BCHE: variants seen among roughly 807,000 people sequenced by gnomAD.
The protein encoded by BCHE is butyrylcholinesterase.
A neutral mutation model predicts 51.3 loss-of-function variants in BCHE; 48 were observed. That is an observed-to-expected ratio of 0.94 (90% confidence interval 0.74 to 1.19). The LOEUF (loss-of-function observed/expected upper bound fraction) is 1.19, where lower values mean the gene tolerates loss of function less well. Ranked by LOEUF, BCHE falls within the 50% of genes most tolerant of loss-of-function variation. The probability of loss-of-function intolerance (pLI) is 0.00; values close to 1 mark genes in which losing one functional copy is unlikely to be tolerated. For synonymous variants in BCHE, 251 were observed against 238.0 expected, an observed-to-expected ratio of 1.05 and a Z score of -0.50; for missense variants, 847 against 708.2, an observed-to-expected ratio of 1.20 and a Z score of -2.23.
intron 2 of BCHE, among the ~76,000 whole-genome samples, chr3:165,817,225 A>G (rs1397476271): frequency 6.6e-6 from 1 of 152,086 alleles, no homozygotes; most frequent in Non-Finnish European, 1.5e-5. Flanking sequence ...CCTTCAAAGT[A>G]TAACCTGATT....
intron 2 of BCHE, among the ~76,000 whole-genome samples, chr3:165,826,178 TACA>T (rs1038471189): frequency 2.0e-5 from 3 of 152,142 alleles, no homozygotes; most frequent in Admixed American, 2.0e-4. Flanking sequence ...AAACATCTTC[TACA>T]ACAAGACAAA....
chr3:165,784,725 G>C (rs1362572116), intron 3 of BCHE, among the ~76,000 whole-genome samples: 1 of 151,778 alleles, frequency 6.6e-6, no homozygotes, highest in Non-Finnish European at 1.5e-5. Flanking sequence ...AATTGCAATA[G>C]ATCACACATG....
intron 3 of BCHE, among the ~76,000 whole-genome samples, chr3:165,785,245 G>A (rs1280582766): frequency 2.0e-5 from 3 of 151,712 alleles, no homozygotes. Flanking sequence ...ATTACAGATC[G>A]TCATGATGAG....
rs1183800488 is a variant in BCHE, at chr3:165,773,469, T to C, written c.1722A>G (p.Gly574=). 6.2e-7 allele frequency: 1 copy of C among 1,608,582 alleles called. No homozygotes were observed. Among genetic ancestry groups the C allele is most frequent in the Non-Finnish European group, 8.5e-7 (1 of 1,175,448 alleles). ...IDEAEWEWKA[G]FHRWNNYMMD... Reference sequence around the variant, plus strand: ...TCATGTAATTGTTCCAGCGATGGAATCCTGCTTTCCACTCCCATTCTGCTT... The same window carrying C: ...TCATGTAATTGTTCCAGCGATGGAACCCTGCTTTCCACTCCCATTCTGCTT... Residue 574 remains glycine (G), a synonymous_variant, in exon 4 of 4, where the codon GGA becomes GGG. Transcript: ENST00000264381.
intron 2 of BCHE, among the ~76,000 whole-genome samples, chr3:165,820,604 T>C (rs1273643543): frequency 6.6e-6 from 1 of 152,066 alleles, no homozygotes; most frequent in East Asian, 1.9e-4. Flanking sequence ...TATGATAATA[T>C]ACCACAAATA....
intron 2 of BCHE, among the ~76,000 whole-genome samples, chr3:165,790,731 G>T (rs1291749133): frequency 6.6e-6 from 1 of 152,158 alleles, no homozygotes; most frequent in Non-Finnish European, 1.5e-5. Flanking sequence ...GACTTGAGGA[G>T]AGAAGGGATG....
At chr3:165,798,543 C>T (rs928010892) in intron 2 of BCHE, among the ~76,000 whole-genome samples, 3 of 152,012 alleles carry the variant, frequency 2.0e-5, no homozygotes, top group African/African-American at 7.2e-5. Context: ...TGAGATTGTC[C>T]AATATCACAC....
chr3:165,779,691 G>C (rs1051086053), intron 3 of BCHE, among the ~76,000 whole-genome samples: 1 of 152,024 alleles, frequency 6.6e-6, no homozygotes, highest in Non-Finnish European at 1.5e-5. Context: ...AAACTATGTA[G>C]GAACACAGCT....
chr3:165,818,523 C>T (rs1367233337), intron 2 of BCHE, among the ~76,000 whole-genome samples: 4 of 152,078 alleles, frequency 2.6e-5, no homozygotes, highest in Non-Finnish European at 4.4e-5. Context: ...GTGACCTAAA[C>T]TTTCCAATCA....
At chr3:165,780,714 C>T (rs1261479583) in intron 3 of BCHE, among the ~76,000 whole-genome samples, 1 of 152,076 alleles carries the variant, frequency 6.6e-6, no homozygotes, top group Non-Finnish European at 1.5e-5. Flanking sequence ...CAATGAGATA[C>T]CATCTCACAC....
intron 2 of BCHE, among the ~76,000 whole-genome samples, chr3:165,828,634 A>G (rs1276526688): frequency 1.3e-5 from 2 of 152,132 alleles, no homozygotes; most frequent in Admixed American, 6.6e-5. Flanking sequence ...TTTCTTGTAT[A>G]AGTAAATTTC....
intron 1 of BCHE, among the ~76,000 whole-genome samples, chr3:165,836,638 A>G (rs1400742389): frequency 6.6e-6 from 1 of 152,086 alleles, no homozygotes; most frequent in Admixed American, 6.6e-5. Context: ...TTTGCTTACT[A>G]TTTCTATAAT....
chr3:165,830,272 G>C lies in BCHE; in HGVS notation c.762C>G (p.Ser254=), dbSNP rs1330597433. ...ATGTTACCGCCCAAGGAGCATTAAA[G>C]GATCCACTTTGCAGAATGGCTCTGG... ...LFTRAILQSG[S]FNAPWAVTSL... The change falls in exon 2 of 4, where the codon TCC becomes TCG. Residue 254 remains serine (S), a synonymous_variant. Transcript: ENST00000264381. 3 of 1,613,882 alleles carry C rather than the reference G, an allele frequency of 1.9e-6. No individual in the cohort carries two copies. The highest frequency in any genetic ancestry group is 2.5e-6 in the Non-Finnish European group (3 of 1,179,944).
chr3:165,799,269 C>G (rs1312187368), intron 2 of BCHE, among the ~76,000 whole-genome samples: 1 of 152,066 alleles, frequency 6.6e-6, no homozygotes, highest in Non-Finnish European at 1.5e-5. Flanking sequence ...CTTACATATT[C>G]TTCCTGCTTT....
chr3:165,837,248 T>C, intron 1 of BCHE, 66 bp downstream of exon 1: 1 of 1,032,848 alleles, frequency 9.7e-7, no homozygotes, highest in Non-Finnish European at 1.3e-6. Flanking sequence ...ATCACTCTCA[T>C]CCCACAGAAT....
In BCHE at chr3:165,829,712, C is replaced by T. The variant is rs778513166; in HGVS notation, c.1322G>A (p.Gly441Glu). The T allele has an allele frequency of 2.5e-6, 4 of 1,613,828 alleles. No homozygotes were observed. In the South Asian group the frequency reaches 3.3e-5, roughly 13 times the overall value. The change falls in exon 2 of 4, where the codon GGA (glycine) becomes GAA (glutamate). Residue 441 changes from glycine to glutamate, a missense_variant. Coordinates refer to ENST00000264381, the MANE Select transcript of BCHE (RefSeq NM_000055.4). The part of the protein sequence containing the change: ...LEFTKKFSEW[G>E]NNAFFYYFEH... ...AAAATAGTAGAAAAAGGCATTATTT[C>T]CCCATTCTGAGAACTTCTTGGTGAA...
At chr3:165,801,297 A>G (rs969082719) in intron 2 of BCHE, among the ~76,000 whole-genome samples, 1 of 152,220 alleles carries the variant, frequency 6.6e-6, no homozygotes, top group African/African-American at 2.4e-5. Context: ...AACCGCAAGG[A>G]TAATTATTTT....
At chr3:165,789,804 C>G (rs1051686029) in intron 2 of BCHE, among the ~76,000 whole-genome samples, 3 of 151,608 alleles carry the variant, frequency 2.0e-5, no homozygotes, top group Non-Finnish European at 2.9e-5. Flanking sequence ...ATAAGAAGAC[C>G]TAAATTTAGA....
chr3:165,774,696 A>T (rs1712399417), intron 3 of BCHE, among the ~76,000 whole-genome samples: 1 of 152,158 alleles, frequency 6.6e-6, no homozygotes, highest in Admixed American at 6.5e-5. Flanking sequence ...CCTTGAAAGC[A>T]GTTTATTAAT....
Sources: gnomAD v4.1 joint callset for allele counts (sites outside exome capture counted in the v4.1 genomes callset) on GRCh38, gnomAD v4.1.1 for gene constraint, MANE v1.5 for transcripts, NCBI Gene and HGNC (gene_info 2026-07-23, HGNC 2026-07-21) for gene names.